NPAS3: variants seen among roughly 807,000 people sequenced by gnomAD.
NPAS3 encodes neuronal PAS domain protein 3.
A neutral mutation model predicts 73.1 loss-of-function variants in NPAS3; 14 were observed. The ratio of observed to expected loss-of-function variants is 0.19; its 90% CI spans 0.13 to 0.30. NPAS3 has a LOEUF of 0.30. Among genes scored for constraint, NPAS3 ranks in the 10% least tolerant of loss-of-function variants. NPAS3 has a pLI of 1.00. For missense variants in NPAS3, 1,096 were observed against 1,250.0 expected, an observed-to-expected ratio of 0.88 and a Z score of 1.86; for synonymous variants, 620 against 541.5, an observed-to-expected ratio of 1.14 and a Z score of -2.01.
intron 4 of NPAS3, among the ~76,000 whole-genome samples, chr14:33,498,949 T>A (rs1445964372): frequency 1.4e-5 from 2 of 145,042 alleles, no homozygotes; most frequent in African/African-American, 2.6e-5. Flanking sequence ...TGTGTGTGTG[T>A]GTGTGTGTGT....
intron 2 of NPAS3, among the ~76,000 whole-genome samples, chr14:33,135,940 G>A (rs1031314270): frequency 7.2e-5 from 11 of 152,066 alleles, no homozygotes; most frequent in African/African-American, 2.7e-4. Context: ...ATCCAAAATG[G>A]TTTTCCACTG....
intron 2 of NPAS3, among the ~76,000 whole-genome samples, chr14:33,183,493 C>A (rs1388048323): frequency 8.7e-6 from 1 of 115,596 alleles, no homozygotes; most frequent in Non-Finnish European, 1.7e-5. Context: ...ATGTCTTGCT[C>A]TGTGTTCTCT....
intron 2 of NPAS3, among the ~76,000 whole-genome samples, chr14:33,188,713 T>C (rs576565483): frequency 3.5e-4 from 54 of 152,192 alleles, no homozygotes; most frequent in Non-Finnish European, 6.5e-4. Context: ...TATCTGCAAC[T>C]TTTTTAATAC....
intron 4 of NPAS3, among the ~76,000 whole-genome samples, chr14:33,467,697 G>T (rs373352433): frequency 6.6e-6 from 1 of 152,146 alleles, no homozygotes; most frequent in African/African-American, 2.4e-5. Context: ...ATGCTGCAGC[G>T]GTGACTTAGC....
At chr14:32,938,482 A>AGAGAGAGAGAGAGAG (rs2035781447), upstream of NPAS3, among the ~76,000 whole-genome samples, 1 of 15,054 alleles carries the variant, frequency 6.6e-5, no homozygotes, top group African/African-American at 3.1e-4. Context: ...AGAGAGAGAG[A>AGAGAGAGAGAGAGAG]AATTGAGAGA....
chr14:33,351,008 T>C (rs1422489106), intron 3 of NPAS3, among the ~76,000 whole-genome samples: 1 of 152,204 alleles, frequency 6.6e-6, no homozygotes, highest in Non-Finnish European at 1.5e-5. Flanking sequence ...AAGCTTGAAA[T>C]TCATGAACCT....
intron 6 of NPAS3, among the ~76,000 whole-genome samples, chr14:33,704,912 T>C (rs559174510): frequency 6.6e-6 from 1 of 152,280 alleles, no homozygotes; most frequent in African/African-American, 2.4e-5. Context: ...TAGGGTGGCA[T>C]TGCTATGCAC....
rs56057570 is a variant in NPAS3, at chr14:33,523,907, G to T, written c.469-36214G>T. ...ATGTGTGGGGCCACAACACACCTAC[G>T]CCTTGAGACAAGAGAAAGGTTATGG... On this transcript the variant is annotated intron_variant, in intron 4 of 11. Coordinates refer to ENST00000356141, the Ensembl canonical transcript of NPAS3. Among the ~76,000 whole-genome samples the T allele has an allele frequency of 4.3e-3, 638 of 148,526 alleles. 1 individual carries two copies. Among genetic ancestry groups the T allele is most frequent in the Non-Finnish European group, 6.8e-3 (446 of 65,226 alleles).
intron 4 of NPAS3, among the ~76,000 whole-genome samples, chr14:33,521,825 A>G (rs930811069): frequency 2.0e-5 from 3 of 152,174 alleles, no homozygotes; most frequent in Admixed American, 1.3e-4. Context: ...TTCCCCACAG[A>G]AGAAACATCT....
chr14:33,706,252 G>T (rs1424563984), intron 6 of NPAS3, among the ~76,000 whole-genome samples: 1 of 152,178 alleles, frequency 6.6e-6, no homozygotes, highest in Non-Finnish European at 1.5e-5. Context: ...TCCATACACA[G>T]CAAAGAAATC....
intron 4 of NPAS3, among the ~76,000 whole-genome samples, chr14:33,559,747 G>A (rs1013802363): frequency 6.6e-6 from 1 of 152,180 alleles, no homozygotes; most frequent in Non-Finnish European, 1.5e-5. Context: ...GGCCGGGCGC[G>A]GTGGCTTACG....
intron 1 of NPAS3, among the ~76,000 whole-genome samples, chr14:32,966,354 A>G (rs943591705): frequency 1.3e-5 from 2 of 152,214 alleles, no homozygotes; most frequent in African/African-American, 2.4e-5. Context: ...AAACAGACAC[A>G]TAGACCAATG....
intron 4 of NPAS3, among the ~76,000 whole-genome samples, chr14:33,426,539 C>T (rs1473179749): frequency 3.3e-5 from 5 of 151,934 alleles, no homozygotes; most frequent in Non-Finnish European, 7.4e-5. Context: ...AGTTTGATTA[C>T]TTTAGGGTTG....
At chr14:32,936,761 A>T (rs1407149003), upstream of NPAS3, among the ~76,000 whole-genome samples, 1 of 152,136 alleles carries the variant, frequency 6.6e-6, no homozygotes, top group Non-Finnish European at 1.5e-5. Context: ...ATCCTTTACC[A>T]TAAAGATCAC....
At chr14:33,368,870 C>T (rs1323653813) in intron 4 of NPAS3, among the ~76,000 whole-genome samples, 4 of 152,102 alleles carry the variant, frequency 2.6e-5, no homozygotes, top group African/African-American at 9.7e-5. Context: ...TCTGATGTGA[C>T]TGAGGACTAT....
chr14:33,748,827 T>C lies in NPAS3; in HGVS notation c.852+13495T>C, dbSNP rs143908773. ...CCCCTTTGAGACATTCTGGGTAAAA[T>C]GGAATAGAGGATTGGCCTTCCCAGG... On this transcript the variant is annotated intron_variant, in intron 7 of 11. Transcript: ENST00000356141. 2.4e-4 allele frequency among the ~76,000 whole-genome samples: 37 copies of C among 152,194 alleles called. No individual in the cohort carries two copies. The East Asian group carries it at 6.2e-3, about 25-fold the overall frequency.
intron 1 of NPAS3, among the ~76,000 whole-genome samples, chr14:32,973,774 T>C (rs2037538456): frequency 6.6e-6 from 1 of 152,050 alleles, no homozygotes; most frequent in Non-Finnish European, 1.5e-5. Flanking sequence ...TGAGCTCAAG[T>C]GATCTGCCTG....
intron 4 of NPAS3, among the ~76,000 whole-genome samples, chr14:33,434,167 G>A (rs2048889485): frequency 6.6e-6 from 1 of 151,954 alleles, no homozygotes; most frequent in Non-Finnish European, 1.5e-5. Flanking sequence ...ACTCCAGCCT[G>A]GGCAGCAAGA....
At chr14:33,044,901 G>A (rs557116762) in intron 1 of NPAS3, among the ~76,000 whole-genome samples, 20 of 152,272 alleles carry the variant, frequency 1.3e-4, no homozygotes, top group African/African-American at 4.8e-4. Flanking sequence ...TCAGCCTCAG[G>A]TGAGTGGCCC....
Sources: gnomAD v4.1 joint callset for allele counts (sites outside exome capture counted in the v4.1 genomes callset) on GRCh38, gnomAD v4.1.1 for gene constraint, MANE v1.5 for transcripts, NCBI Gene and HGNC (gene_info 2026-07-23, HGNC 2026-07-21) for gene names.